ATP10B: variants seen among roughly 807,000 people sequenced by gnomAD.
The protein encoded by ATP10B is phospholipid-transporting ATPase VB.
ATP10B carries 122 observed loss-of-function variants against 141.2 expected under a neutral mutation model. The ratio of observed to expected loss-of-function variants is 0.86; its 90% confidence interval spans 0.75 to 1.00. ATP10B has a LOEUF of 1.00. Ranked by LOEUF, ATP10B falls within the 50% of genes least tolerant of loss-of-function variation. The pLI is 0.00. For synonymous variants in ATP10B, 685 were observed against 692.0 expected (o/e 0.99, Z 0.16); for missense variants, 1,876 against 1,825.3 (o/e 1.03, Z -0.51).
chr5:160,924,090 G>T, the ATP10B span, among the ~76,000 whole-genome samples: 17 of 152,228 alleles, frequency 1.1e-4, no homozygotes, highest in Non-Finnish European at 2.9e-5. Flanking sequence ...GGCTCCACCA[G>T]CTAGGCCAGG....
Position 160,704,834 on chromosome 5 carries a change from G to A in ATP10B, c.-205+12075C>T, listed in dbSNP as rs1194471986. On this transcript the variant is annotated intron_variant, in intron 3 of 25. Transcript: ENST00000327245. ...ACTTGCTGCGTCACCTTGCAGTCTC[G>A]CAGTTTTATATTATGGAGATGGCTG... 6.0e-5 allele frequency among the ~76,000 whole-genome samples: 9 copies of A among 150,028 alleles called. No individual in the cohort carries two copies. In the East Asian group the frequency reaches 1.6e-3, roughly 27 times the overall value.
the ATP10B span, among the ~76,000 whole-genome samples, chr5:160,916,638 G>C: frequency 6.6e-6 from 1 of 152,124 alleles, no homozygotes; most frequent in Non-Finnish European, 1.5e-5. Flanking sequence ...TAGTGTTAAG[G>C]AAATGAAAAG....
chr5:160,569,728 T>C (rs775415610), intron 24 of ATP10B, 45 bp from the exon 25 acceptor site: 14 of 1,430,956 alleles, frequency 9.8e-6, no homozygotes, highest in Admixed American at 7.8e-5. Flanking sequence ...ATAGCTGAGA[T>C]TAGGAGGCAG....
intron 9 of ATP10B, among the ~76,000 whole-genome samples, chr5:160,643,930 A>G (rs1364955772): frequency 6.6e-6 from 1 of 152,150 alleles, no homozygotes; most frequent in African/African-American, 2.4e-5. Flanking sequence ...CAGATGGGTG[A>G]TATTAACTTG....
intron 7 of ATP10B, among the ~76,000 whole-genome samples, chr5:160,657,544 T>C (rs967194152): frequency 2.0e-5 from 3 of 152,184 alleles, no homozygotes; most frequent in Non-Finnish European, 4.4e-5. Context: ...TTAAGGATTT[T>C]TTACAGTTTG....
the ATP10B span, among the ~76,000 whole-genome samples, chr5:160,874,461 C>G: frequency 6.6e-6 from 1 of 152,130 alleles, no homozygotes; most frequent in Non-Finnish European, 1.5e-5. Context: ...ACTGGAAACT[C>G]TAAAACGCAG....
intron 2 of ATP10B, among the ~76,000 whole-genome samples, chr5:160,717,408 TTC>T (rs1202355694): frequency 6.6e-6 from 1 of 152,212 alleles, no homozygotes; most frequent in Admixed American, 6.5e-5. Flanking sequence ...TGTTGTTCAG[TTC>T]TCTTTTTCTG....
intron 5 of ATP10B, chr5:160,687,067 G>A (rs957688690): frequency 2.1e-6 from 1 of 471,930 alleles, no homozygotes; most frequent in Non-Finnish European, 2.8e-6. Context: ...TTTTCACTCA[G>A]GTAATGCAGT....
chr5:160,914,502 A>T, the ATP10B span, among the ~76,000 whole-genome samples: 3 of 152,168 alleles, frequency 2.0e-5, no homozygotes, highest in Non-Finnish European at 4.4e-5. Context: ...TGCTTGTAAT[A>T]CCTTATATGA....
chr5:160,584,311 C>T (rs889295882), intron 24 of ATP10B, among the ~76,000 whole-genome samples: 12 of 152,082 alleles, frequency 7.9e-5, no homozygotes, highest in East Asian at 3.9e-4. Flanking sequence ...TTGTGCTTTC[C>T]GGGTGAGGCA....
chr5:160,850,157 C>A (rs1561923200), intron 1 of ATP10B, among the ~76,000 whole-genome samples: 2 of 151,996 alleles, frequency 1.3e-5, no homozygotes, highest in Non-Finnish European at 2.9e-5. Flanking sequence ...GCTTGTAATC[C>A]CAGCACTTTG....
At chr5:160,883,583 T>C in the ATP10B span, among the ~76,000 whole-genome samples, 1 of 152,060 alleles carries the variant, frequency 6.6e-6, no homozygotes, top group South Asian at 2.1e-4. Flanking sequence ...TGTAAACTGA[T>C]TTGGGTGGTA....
intron 2 of ATP10B, among the ~76,000 whole-genome samples, chr5:160,782,024 T>C (rs780457263): frequency 3.3e-5 from 5 of 152,160 alleles, no homozygotes; most frequent in African/African-American, 4.8e-5. Flanking sequence ...TAGAAAGTAT[T>C]ATATACAAAA....
rs114113191 is a variant in ATP10B at position 160,680,275 on chromosome 5, G to A, written c.470+5804C>T. 3.4e-3 allele frequency among the ~76,000 whole-genome samples: 514 copies of A among 151,604 alleles called. 1 individual carries two copies. Among genetic ancestry groups the A allele is most frequent in the Admixed American group, 6.8e-3 (104 of 15,222 alleles). On this transcript the variant is annotated intron_variant, in intron 6 of 25. Coordinates refer to ENST00000327245, the MANE Select transcript of ATP10B (RefSeq NM_025153.3). ...AATGGATAGGGCTAGGGCATGAGAT[G>A]TAATTTCTTATGTTGCTTCCCAGAA...
intron 18 of ATP10B, among the ~76,000 whole-genome samples, chr5:160,611,273 A>G (rs1196249938): frequency 6.6e-6 from 1 of 152,142 alleles, no homozygotes; most frequent in East Asian, 1.9e-4. Context: ...AATGAGCAGG[A>G]GTGCATGGCA....
In ATP10B at chr5:160,612,904, C is replaced by T. The variant is rs754075815; in HGVS notation, c.2675G>A (p.Arg892Gln). 4.4e-5 allele frequency: 71 copies of T among 1,613,420 alleles called. No individual in the cohort carries two copies. Among genetic ancestry groups the T allele is most frequent in the South Asian group, 1.6e-4 (15 of 91,016 alleles). The change falls in exon 18 of 26, where the codon CGG becomes CAG. Residue 892 changes from arginine to glutamine, a missense_variant. Arg to Gln is a conservative substitution (Grantham distance 43, BLOSUM62 1). Coordinates refer to ENST00000327245, the MANE Select transcript of ATP10B (RefSeq NM_025153.3). ...CGTATCTGGAACTCCTTCCTGCAGC[C>T]GGTCTTCGATCCCAGTGGCTCCTGG... ...TLLGATGIED[R>Q]LQEGVPDTIA... is the part of the protein sequence containing the mutation.
chr5:160,811,960 T>A (rs971894157), intron 1 of ATP10B, among the ~76,000 whole-genome samples: 2 of 151,652 alleles, frequency 1.3e-5, no homozygotes, highest in Non-Finnish European at 2.9e-5. Context: ...GGGGTGCCTG[T>A]GTTACTCCAC....
chr5:160,741,013 G>A (rs879225068), intron 2 of ATP10B, among the ~76,000 whole-genome samples: 4 of 152,212 alleles, frequency 2.6e-5, no homozygotes, highest in Admixed American at 2.6e-4. Context: ...CCATCAGGGA[G>A]CTATTCAGTA....
chr5:160,565,933 G>C (rs757208243), intron 25 of ATP10B, 33 bp from the exon 26 acceptor site: 1 of 1,548,050 alleles, frequency 6.5e-7, no homozygotes, highest in South Asian at 1.2e-5. Flanking sequence ...AGATATTTCT[G>C]ATTTCCACTG....
Sources: allele counts gnomAD v4.1 joint callset (sites outside exome capture counted in the v4.1 genomes callset), GRCh38; gene constraint gnomAD v4.1.1; transcripts MANE v1.5; gene names NCBI Gene and HGNC (gene_info 2026-07-23, HGNC 2026-07-21).